Variants in DPYD observed in about 807,000 individuals in gnomAD.
DPYD encodes dihydropyrimidine dehydrogenase.
DPYD carries 109 observed loss-of-function variants against 116.2 expected under a neutral mutation model. The ratio of observed to expected loss-of-function variants is 0.94; its 90% confidence interval spans 0.80 to 1.10. The LOEUF is 1.10. Among genes scored for constraint, DPYD ranks in the 50% least tolerant of loss-of-function variants. The probability of loss-of-function intolerance (pLI) is 0.00; values close to 1 mark genes in which losing one functional copy is unlikely to be tolerated. For missense variants in DPYD, 1,302 were observed against 1,254.5 expected (o/e 1.04, Z -0.57); for synonymous variants, 440 against 432.0 (o/e 1.02, Z -0.23).
intron 13 of DPYD, among the ~76,000 whole-genome samples, chr1:97,487,469 C>T (rs537895601): frequency 1.3e-4 from 20 of 152,158 alleles, no homozygotes; most frequent in South Asian, 4.2e-4. Flanking sequence ...GTCAGGAGAT[C>T]GACACCATCC....
chr1:97,116,075 G>A lies in DPYD; in HGVS notation c.2623-17443C>T, dbSNP rs149395343. On this transcript the variant is annotated intron_variant, in intron 20 of 22. Coordinates refer to ENST00000370192, the MANE Select transcript of DPYD (RefSeq NM_000110.4). ...AACTATAATGTTAGCTTTTATTAGA[G>A]TGAGTTCTTTTCTATTTGCAGCTCT... Among the ~76,000 whole-genome samples, 3 of 152,232 alleles carry A rather than the reference G, an allele frequency of 2.0e-5. No individual in the cohort carries two copies. The East Asian group carries it at 5.8e-4, about 29-fold the overall frequency.
chr1:97,280,312 C>G (rs1665238013), intron 18 of DPYD: 1 of 151,738 alleles, frequency 6.6e-6, no homozygotes, highest in African/African-American at 2.4e-5. Context: ...TGAAGGGAAA[C>G]TGTAAGAAAA....
chr1:97,170,436 G>A (rs1015653565), intron 20 of DPYD, among the ~76,000 whole-genome samples: 5 of 152,072 alleles, frequency 3.3e-5, no homozygotes, highest in African/African-American at 7.2e-5. Flanking sequence ...AAATTGACAC[G>A]ACTGAAGAGA....
Position 97,749,722 on chromosome 1 carries a change from C to A in DPYD, c.234-9243G>T, listed in dbSNP as rs560342665. Among the ~76,000 whole-genome samples the A allele has an allele frequency of 2.0e-5, 3 of 152,174 alleles. No homozygotes were observed. In the East Asian group the frequency reaches 5.8e-4, roughly 29 times the overall value. ...TTTATAGTTACCATTTTTAATTTAACAATAACAAGCCATATGTAATTTTTT... is the reference window on the plus strand; with the variant it reads ...TTTATAGTTACCATTTTTAATTTAAAAATAACAAGCCATATGTAATTTTTT... On this transcript the variant is annotated intron_variant, in intron 3 of 22. Transcript: ENST00000370192.
At chr1:97,269,214 C>A (rs530533640) in intron 18 of DPYD, among the ~76,000 whole-genome samples, 1 of 152,224 alleles carries the variant, frequency 6.6e-6, no homozygotes, top group South Asian at 2.1e-4. Flanking sequence ...TCGTTATTTC[C>A]ATCTGAAATC....
chr1:97,589,344 G>T (rs1654355560), intron 10 of DPYD, among the ~76,000 whole-genome samples: 2 of 152,158 alleles, frequency 1.3e-5, no homozygotes, highest in South Asian at 4.1e-4. Flanking sequence ...CACCTGTCAA[G>T]GGAGAATCAT....
At chr1:97,754,725 T>C (rs1665134721) in intron 3 of DPYD, among the ~76,000 whole-genome samples, 1 of 152,096 alleles carries the variant, frequency 6.6e-6, no homozygotes, top group Non-Finnish European at 1.5e-5. Flanking sequence ...TTCACAGTGG[T>C]GGAGTCAGAT....
intron 3 of DPYD, among the ~76,000 whole-genome samples, chr1:97,749,292 G>A (rs530991296): frequency 6.6e-6 from 1 of 152,288 alleles, no homozygotes; most frequent in East Asian, 1.9e-4. Context: ...AAGAGTCAAA[G>A]AGTAATGTTT....
rs189250633 is a variant in DPYD, at chr1:97,369,884, T to A, written c.2058+3677A>T. 1.3e-4 allele frequency among the ~76,000 whole-genome samples: 20 copies of A among 152,270 alleles called. No individual in the cohort carries two copies. In the East Asian group the frequency reaches 3.9e-3, roughly 29 times the overall value. ...GATTCTCATTCATCAAAGTAAAATA[T>A]ACCAAAAAGCGAGCAGCATTAGTTA... On this transcript the variant is annotated intron_variant, in intron 16 of 22. Coordinates refer to ENST00000370192, the MANE Select transcript of DPYD (RefSeq NM_000110.4).
chr1:97,902,672 G>A (rs1435291361), intron 1 of DPYD, among the ~76,000 whole-genome samples: 3 of 151,734 alleles, frequency 2.0e-5, no homozygotes, highest in Non-Finnish European at 2.9e-5. Context: ...TAAATTAAAA[G>A]CAGGGGTATG....
chr1:97,349,620 G>A (rs917857466), intron 16 of DPYD, among the ~76,000 whole-genome samples: 6 of 152,080 alleles, frequency 3.9e-5, no homozygotes, highest in African/African-American at 1.4e-4. Context: ...CCTTGTGATA[G>A]TTTGCTGAGA....
At chr1:97,338,654 C>G (rs1327828340) in intron 16 of DPYD, among the ~76,000 whole-genome samples, 2 of 152,088 alleles carry the variant, frequency 1.3e-5, no homozygotes, top group African/African-American at 4.8e-5. Context: ...ACTTTGTCCC[C>G]CTTGGACCTA....
At chr1:97,473,970 C>T (rs1677802348) in intron 13 of DPYD, among the ~76,000 whole-genome samples, 1 of 150,580 alleles carries the variant, frequency 6.6e-6, no homozygotes, top group Non-Finnish European at 1.5e-5. Flanking sequence ...CATGATCATG[C>T]CACTCACTGC....
At chr1:97,574,344 T>C (rs1362036519) in intron 10 of DPYD, among the ~76,000 whole-genome samples, 1 of 152,136 alleles carries the variant, frequency 6.6e-6, no homozygotes, top group Non-Finnish European at 1.5e-5. Context: ...TTAAAATAAA[T>C]ACTTCTGTTT....
intron 16 of DPYD, among the ~76,000 whole-genome samples, chr1:97,314,847 T>A (rs913350046): frequency 6.6e-6 from 1 of 151,964 alleles, no homozygotes; most frequent in Non-Finnish European, 1.5e-5. Flanking sequence ...AACAGATCAA[T>A]GAACACCTTC....
intron 18 of DPYD, among the ~76,000 whole-genome samples, chr1:97,282,315 AAAGAC>A (rs1362695475): frequency 6.6e-6 from 1 of 152,148 alleles, no homozygotes; most frequent in Non-Finnish European, 1.5e-5. Flanking sequence ...ATAAAAAATT[AAAGAC>A]AATATGCAGT....
intron 2 of DPYD, among the ~76,000 whole-genome samples, chr1:97,828,764 A>G (rs1384182301): frequency 5.9e-5 from 9 of 152,004 alleles, no homozygotes; most frequent in African/African-American, 1.4e-4. Context: ...GCACATATAT[A>G]TTTATATACT....
chr1:97,762,839 C>T (rs1665651539), intron 3 of DPYD, among the ~76,000 whole-genome samples: 1 of 152,078 alleles, frequency 6.6e-6, no homozygotes, highest in African/African-American at 2.4e-5. Context: ...ATAGCAGTCT[C>T]TTAAAAGTAA....
intron 8 of DPYD, among the ~76,000 whole-genome samples, chr1:97,665,393 T>C (rs1659503536): frequency 6.6e-6 from 1 of 152,180 alleles, no homozygotes; most frequent in South Asian, 2.1e-4. Flanking sequence ...TCATTATCAA[T>C]CTTTTTTCAC....
Sources: allele counts gnomAD v4.1 joint callset (sites outside exome capture counted in the v4.1 genomes callset), GRCh38; gene constraint gnomAD v4.1.1; transcripts MANE v1.5; gene names NCBI Gene and HGNC (gene_info 2026-07-23, HGNC 2026-07-21).